Variants in NALCN observed in about 807,000 individuals in gnomAD.
NALCN encodes sodium leak channel, non-selective.
In NALCN, 111 loss-of-function variants were observed where a neutral mutation model predicts 225.3. That is an observed-to-expected ratio of 0.49 (90% CI 0.42 to 0.58). The LOEUF is 0.58. NALCN is among the 20% of genes least tolerant of loss of function. The pLI, the probability that NALCN is intolerant of heterozygous loss-of-function variation, is 0.00. For missense variants in NALCN, 1,378 were observed against 2,202.4 expected, an observed-to-expected ratio of 0.63 and a Z score of 7.49; for synonymous variants, 764 against 769.0, an observed-to-expected ratio of 0.99 and a Z score of 0.11.
At chr13:101,355,253 A>G (rs1046231245) in intron 6 of NALCN, among the ~76,000 whole-genome samples, 1 of 152,076 alleles carries the variant, frequency 6.6e-6, no homozygotes, top group Non-Finnish European at 1.5e-5. Flanking sequence ...CCAGTCTCCA[A>G]CTTGGATAAA....
intron 15 of NALCN, among the ~76,000 whole-genome samples, chr13:101,166,437 G>C (rs548960513): frequency 6.6e-6 from 1 of 151,756 alleles, no homozygotes; most frequent in Admixed American, 6.6e-5. Flanking sequence ...ATTCTAATAG[G>C]TATAAAGTGG....
At chr13:101,134,555 CTTATA>C (rs1289395692) in intron 17 of NALCN, among the ~76,000 whole-genome samples, 2 of 152,048 alleles carry the variant, frequency 1.3e-5, no homozygotes. Flanking sequence ...CTTTTTCTAT[CTTATA>C]TATTTTAATG....
intron 7 of NALCN, among the ~76,000 whole-genome samples, chr13:101,336,894 T>C (rs1193284431): frequency 6.6e-6 from 1 of 152,222 alleles, no homozygotes; most frequent in Non-Finnish European, 1.5e-5. Flanking sequence ...CACGGCATTT[T>C]GAATTTAGTT....
At chr13:101,376,341 G>A (rs1033463420) in intron 6 of NALCN, among the ~76,000 whole-genome samples, 7 of 151,756 alleles carry the variant, frequency 4.6e-5, no homozygotes, top group African/African-American at 1.7e-4. Flanking sequence ...TTGAATACTT[G>A]TCTTTAAAAA....
intron 6 of NALCN, among the ~76,000 whole-genome samples, chr13:101,350,562 C>T (rs2045879244): frequency 6.6e-6 from 1 of 152,170 alleles, no homozygotes; most frequent in African/African-American, 2.4e-5. Flanking sequence ...GTCTTCCAAA[C>T]TCAACTGTTC....
intron 13 of NALCN, among the ~76,000 whole-genome samples, chr13:101,199,081 C>G (rs1399816480): frequency 6.6e-6 from 1 of 150,428 alleles, no homozygotes; most frequent in African/African-American, 2.5e-5. Flanking sequence ...TAGGTGGGAA[C>G]TGAATAATGA....
Position 101,223,308 on chromosome 13 carries a change from A to T in NALCN, c.1626+6085T>A, listed in dbSNP as rs182289706. 2.2e-3 allele frequency among the ~76,000 whole-genome samples: 338 copies of T among 152,256 alleles called. 2 individuals are homozygous for T. The highest frequency in any genetic ancestry group is 7.7e-3 in the African/African-American group (322 of 41,554). ...ACTAGACACTCTTCTTTCCCAATCC[A>T]TCAAGCCAGGGGACACCTTCCAGGA... is the stretch of plus-strand genomic sequence containing the variant. On this transcript the variant is annotated intron_variant, in intron 13 of 43. Transcript: ENST00000251127.
At position 101,346,136 on chromosome 13, in the gene NALCN, T is replaced by G. The variant is rs1438486842; in HGVS notation, c.645-716A>C. Among the ~76,000 whole-genome samples the G allele has an allele frequency of 4.1e-5, 6 of 147,722 alleles. No homozygotes were observed. The Admixed American group carries it at 4.2e-4, about 10-fold the overall frequency. On this transcript the variant is annotated intron_variant, in intron 6 of 43. Coordinates refer to ENST00000251127, the MANE Select transcript of NALCN (RefSeq NM_052867.4). ...ATGATGTTATTTGCAAAATTGTGTA[T>G]GTGTATCTGAATATAGTTTTAAGAT...
At chr13:101,378,454 G>T in intron 4 of NALCN, 116 bp downstream of exon 4, 1 of 675,410 alleles carries the variant, frequency 1.5e-6, no homozygotes, top group Non-Finnish European at 2.4e-6. Flanking sequence ...AATGTTGTAG[G>T]CAATTACACA....
At chr13:101,182,065 C>T (rs1022025906) in intron 14 of NALCN, among the ~76,000 whole-genome samples, 6 of 121,518 alleles carry the variant, frequency 4.9e-5, no homozygotes, top group Admixed American at 1.2e-4. Context: ...ACCCGGGAGG[C>T]GGAGCTTGCA....
At chr13:101,174,595 T>C (rs1312065400) in intron 15 of NALCN, among the ~76,000 whole-genome samples, 1 of 152,154 alleles carries the variant, frequency 6.6e-6, no homozygotes, top group African/African-American at 2.4e-5. Context: ...TACGTGTATA[T>C]ATAAATAAGT....
In NALCN at chr13:101,220,335, A is replaced by T. The variant is rs529043752; in HGVS notation, c.1626+9058T>A. Reference sequence around the variant, plus strand: ...GAAGGGAGGGAAAAGAAACCCAGGGATGTGCGTCTGACGACAAATCTAGCC... The same window carrying T: ...GAAGGGAGGGAAAAGAAACCCAGGGTTGTGCGTCTGACGACAAATCTAGCC... On this transcript the variant is annotated intron_variant, in intron 13 of 43. Coordinates refer to ENST00000251127, the MANE Select transcript of NALCN (RefSeq NM_052867.4). Among the ~76,000 whole-genome samples the T allele has an allele frequency of 2.6e-5, 4 of 152,320 alleles. No individual in the cohort carries two copies. In the East Asian group the frequency reaches 5.8e-4, roughly 22 times the overall value.
intron 35 of NALCN, 133 bp downstream of exon 35, chr13:101,075,740 T>A (rs983787707): frequency 1.7e-6 from 1 of 580,512 alleles, no homozygotes; most frequent in Non-Finnish European, 2.8e-6. Flanking sequence ...TATTTGTTAA[T>A]CTTGACTTAT....
intron 12 of NALCN, among the ~76,000 whole-genome samples, chr13:101,234,847 TCTATCATCTAC>T (rs2041490443): frequency 1.1e-5 from 1 of 89,248 alleles, no homozygotes; most frequent in East Asian, 4.6e-4. Flanking sequence ...TATCTATCTA[TCTATCATCTAC>T]CTATCTATCT....
At position 101,415,206 on chromosome 13, in the gene NALCN, C is replaced by CATATATATATATATATATATATATATAT. The variant is rs1278371508; in HGVS notation, c.-40+1106_-40+1107insATATATATATATATATATATATATATAT. Among the ~76,000 whole-genome samples, 781 of 104,424 alleles carry CATATATATATATATATATATATATATAT rather than the reference C, an allele frequency of 7.5e-3. 44 individuals carry two copies. Among genetic ancestry groups the CATATATATATATATATATATATATATAT allele is most frequent in the South Asian group, 9.9e-3 (35 of 3,520 alleles). 68.5% of individuals were successfully genotyped at this position (104,424 alleles called of 152,430 possible). ...TGTAGTTATGAACATACAAATCACA[C>CATATATATATATATATATATATATATAT]ACATATATATATATATATACATACA... On this transcript the variant is annotated intron_variant, in intron 1 of 43. Coordinates refer to ENST00000251127, the MANE Select transcript of NALCN (RefSeq NM_052867.4).
At position 101,229,397 on chromosome 13, in the gene NALCN, G is replaced by A. The variant is rs749151544; in HGVS notation, c.1622C>T (p.Pro541Leu). ...CTGCATTTTTAAAACTCTTACCCTC[G>A]GAAACGTAGTAAATCTGTCCAGTTC... The part of the protein sequence containing the change: ...VEELDRFTTF[P>L]RAFMSMFQIL... The change falls in exon 13 of 44, where the codon CCG (proline) becomes CTG (leucine). Residue 541 changes from proline to leucine, a missense_variant. Pro to Leu is a moderately conservative substitution (Grantham distance 98). Transcript: ENST00000251127. 9 of 1,542,218 alleles carry A rather than the reference G, an allele frequency of 5.8e-6. No homozygotes were observed. Among genetic ancestry groups the A allele is most frequent in the Admixed American group, 4.0e-5 (2 of 49,578 alleles).
In NALCN at chr13:101,055,222, G is replaced by T; in HGVS notation, c.*73C>A. 8.6e-7 allele frequency: 1 copy of T among 1,157,134 alleles called. No individual in the cohort carries two copies. Among genetic ancestry groups the T allele is most frequent in the Non-Finnish European group, 1.3e-6 (1 of 799,230 alleles). The allele number at this position is 1,157,134 out of a possible 1,614,324, so 71.7% of individuals were successfully genotyped here. Reference sequence around the variant, plus strand: ...TTCAGTTATAGATCAATTACAGATTGCTCACTGGACAATCAAGGACATTAT... The same window carrying T: ...TTCAGTTATAGATCAATTACAGATTTCTCACTGGACAATCAAGGACATTAT... On this transcript the variant is annotated 3_prime_UTR_variant, in exon 44 of 44. Transcript: ENST00000251127.
At chr13:101,059,997 A>G (rs932320104) in intron 41 of NALCN, 30 bp from the exon 42 acceptor site, 2 of 1,611,058 alleles carry the variant, frequency 1.2e-6, no homozygotes, top group Non-Finnish European at 1.7e-6. Flanking sequence ...TGTTCAGTAA[A>G]ATAAGCCCAG....
intron 6 of NALCN, among the ~76,000 whole-genome samples, chr13:101,357,535 C>T (rs566326286): frequency 1.2e-4 from 18 of 151,920 alleles, no homozygotes; most frequent in East Asian, 7.7e-4. Context: ...AAATAAGAGA[C>T]GACACAAACA....
Sources: allele counts gnomAD v4.1 joint callset (sites outside exome capture counted in the v4.1 genomes callset), GRCh38; gene constraint gnomAD v4.1.1; transcripts MANE v1.5; gene names NCBI Gene and HGNC (gene_info 2026-07-23, HGNC 2026-07-21).